Variants in DMD observed in about 807,000 individuals in gnomAD.
DMD encodes mutant dystrophin.
Under a neutral mutation model 330.1 loss-of-function variants are expected in DMD, and 63 were observed. The ratio of observed to expected loss-of-function variants is 0.19; its 90% CI spans 0.16 to 0.24. The LOEUF is 0.24. DMD is among the 10% of genes least tolerant of loss of function. DMD has a pLI of 1.00. For synonymous variants in DMD, 1,223 were observed against 959.8 expected, an observed-to-expected ratio of 1.27 and a Z score of -5.07; for missense variants, 3,344 against 2,684.1, an observed-to-expected ratio of 1.25 and a Z score of -5.43.
At chrX:31,516,630 C>A (rs1038259011) in intron 55 of DMD, among the ~76,000 whole-genome samples, 2 of 111,804 alleles carry the variant, frequency 1.8e-5, no homozygotes, top group East Asian at 2.8e-4. Context: ...GCATCTTAAA[C>A]GAGCAGCTAT....
At position 31,846,434 on chromosome X, in the gene DMD, TACACACACACACAC is replaced by T. The variant is rs67231830; in HGVS notation, c.7099-9629_7099-9616del. 4.9e-3 allele frequency among the ~76,000 whole-genome samples: 471 copies of T among 95,496 alleles called. 1 individual carries two copies. The highest frequency in any genetic ancestry group is 0.011 in the Middle Eastern group (2 of 188). The allele number at this position is 95,496 out of a possible 115,157, so 82.9% of individuals were successfully genotyped here. A position where few individuals can be genotyped will look rare whatever the true frequency, so the allele number is the denominator to read the frequency against. On this transcript the variant is annotated intron_variant, in intron 48 of 78. Transcript: ENST00000357033. ...ACGTTTGCTCTGGAAAATCAAGAAA[TACACACACACACAC>T]ACACACACACACACACACACACAAT...
chrX:33,279,390 C>A (rs755319888), intron 1 of DMD, among the ~76,000 whole-genome samples: 3 of 109,989 alleles, frequency 2.7e-5, no homozygotes, highest in Non-Finnish European at 5.7e-5. Flanking sequence ...CCAGGTTTAT[C>A]CAATAGTTAA....
At chrX:32,810,491 C>A (rs188754422) in intron 6 of DMD, among the ~76,000 whole-genome samples, 258 of 111,968 alleles carry the variant, frequency 2.3e-3, no homozygotes, top group Non-Finnish European at 3.4e-3. Flanking sequence ...GTTCTCCCTT[C>A]CTCAATAATG....
At chrX:32,944,729 C>T (rs1267049763) in intron 2 of DMD, among the ~76,000 whole-genome samples, 2 of 109,213 alleles carry the variant, frequency 1.8e-5, no homozygotes, top group Non-Finnish European at 3.8e-5. Context: ...CGCAGCCTCC[C>T]GAGTAGCTGG....
chrX:32,320,186 T>A (rs182852259), intron 41 of DMD, among the ~76,000 whole-genome samples: 1 of 111,388 alleles, frequency 9.0e-6, no homozygotes, highest in African/African-American at 3.2e-5. Flanking sequence ...CTCACACTTT[T>A]ATTTCTATAT....
At chrX:31,385,105 C>T (rs1475986540) in intron 60 of DMD, among the ~76,000 whole-genome samples, 1 of 112,165 alleles carries the variant, frequency 8.9e-6, no homozygotes, top group Admixed American at 9.5e-5. Flanking sequence ...CAAGGTTTAA[C>T]GTACAGGTTG....
intron 44 of DMD, among the ~76,000 whole-genome samples, chrX:32,182,630 GATTT>G (rs2096931205): frequency 9.0e-6 from 1 of 111,166 alleles, no homozygotes; most frequent in Non-Finnish European, 1.9e-5. Flanking sequence ...GTATTAATAA[GATTT>G]TTTTATACAC....
intron 43 of DMD, among the ~76,000 whole-genome samples, chrX:32,252,807 TATATATAAGTATATAA>T (rs2097277234): frequency 4.4e-5 from 3 of 68,691 alleles, no homozygotes; most frequent in South Asian, 5.8e-4. Context: ...TATATATAAA[TATATATAAGTATATAA>T]ATATATATAA....
chrX:31,453,042 T>C (rs1054285558), intron 59 of DMD, among the ~76,000 whole-genome samples: 2 of 112,103 alleles, frequency 1.8e-5, no homozygotes, highest in African/African-American at 6.5e-5. Context: ...GTAACCTGAA[T>C]AGACATTTCT....
At chrX:32,761,999 A>G (rs1392010411) in intron 7 of DMD, among the ~76,000 whole-genome samples, 1 of 108,247 alleles carries the variant, frequency 9.2e-6, no homozygotes, top group African/African-American at 3.4e-5. Context: ...AAACACAAAA[A>G]ATTAGCCAGG....
intron 37 of DMD, among the ~76,000 whole-genome samples, chrX:32,360,730 T>C: frequency 9.2e-6 from 1 of 108,164 alleles, no homozygotes; most frequent in Non-Finnish European, 1.9e-5. Context: ...GAGGTTGCAG[T>C]GAGCTGAGGT....
chrX:31,957,483 G>A lies in DMD; in HGVS notation c.6614+10856C>T, dbSNP rs1443727354. ...CATTCAAGAGACAGAATAATTAACC[G>A]GGGCAAGATTCCTCTGAAATGAGAG... is the stretch of plus-strand genomic sequence containing the variant. On this transcript the variant is annotated intron_variant, in intron 45 of 78. Coordinates refer to ENST00000357033, the MANE Select transcript of DMD (RefSeq NM_004006.3). Among the ~76,000 whole-genome samples the A allele has an allele frequency of 4.5e-5, 5 of 111,583 alleles. No individual in the cohort carries two copies. The East Asian group carries it at 8.5e-4, about 19-fold the overall frequency.
rs930769165 is a variant in DMD, at chrX:32,341,989, G to C, written c.5922+111C>G. 7.5e-6 allele frequency: 6 copies of C among 801,585 alleles called. No homozygotes were observed. The African/African-American group carries it at 1.1e-4, about 14-fold the overall frequency. The allele number at this position is 801,585 out of a possible 1,213,427, so 66.1% of individuals were successfully genotyped here. ...CCACTCACTTTCAGAATGTACATTA[G>C]AAGTTTAAAACTGTACCCAGATTTT... is the stretch of plus-strand genomic sequence containing the variant. On this transcript the variant is annotated intron_variant, in intron 41 of 78. Coordinates refer to ENST00000357033, the MANE Select transcript of DMD (RefSeq NM_004006.3).
intron 2 of DMD, among the ~76,000 whole-genome samples, chrX:32,933,224 G>A (rs2089736611): frequency 8.9e-6 from 1 of 111,984 alleles, no homozygotes; most frequent in Admixed American, 9.5e-5. Context: ...GGAGCCAGAA[G>A]TAGAGACTAG....
chrX:31,137,973 C>T (rs922836287), intron 76 of DMD, among the ~76,000 whole-genome samples: 2 of 111,868 alleles, frequency 1.8e-5, no homozygotes, highest in African/African-American at 3.3e-5. Context: ...TCCTCAAGCA[C>T]AGCAAGAAGT....
chrX:31,323,050 G>A (rs1283981599), intron 62 of DMD, among the ~76,000 whole-genome samples: 2 of 111,627 alleles, frequency 1.8e-5, no homozygotes, highest in African/African-American at 6.5e-5. Context: ...CTTTTGACTG[G>A]CACAAATGTT....
At chrX:33,268,689 G>T (rs891448365) in intron 1 of DMD, among the ~76,000 whole-genome samples, 3 of 111,529 alleles carry the variant, frequency 2.7e-5, no homozygotes, top group Non-Finnish European at 5.6e-5. Flanking sequence ...CACTGTAGGA[G>T]GCTTAGGCAG....
At chrX:32,091,732 T>TAC (rs1286774433) in intron 44 of DMD, among the ~76,000 whole-genome samples, 3 of 111,826 alleles carry the variant, frequency 2.7e-5, no homozygotes, top group Non-Finnish European at 5.6e-5. Flanking sequence ...ATACAAGACA[T>TAC]ACACTAGAAT....
chrX:32,124,074 T>C (rs2096650456), intron 44 of DMD, among the ~76,000 whole-genome samples: 1 of 112,026 alleles, frequency 8.9e-6, no homozygotes, highest in African/African-American at 3.2e-5. Context: ...ATTGAGCTTC[T>C]ACCACATGCC....
Sources: allele counts gnomAD v4.1 joint callset (sites outside exome capture counted in the v4.1 genomes callset), GRCh38; gene constraint gnomAD v4.1.1; transcripts MANE v1.5; gene names NCBI Gene and HGNC (gene_info 2026-07-23, HGNC 2026-07-21).